Variants in SOX6 observed in about 807,000 individuals in gnomAD.
SOX6 encodes transcription factor SOX-6.
Under a neutral mutation model 97.8 loss-of-function variants are expected in SOX6, and 11 were observed. That is an observed-to-expected ratio of 0.11 (90% CI 0.07 to 0.19). SOX6 has a LOEUF of 0.19. Among genes scored for constraint, SOX6 ranks in the 10% least tolerant of loss-of-function variants. SOX6 has a pLI of 1.00. For synonymous variants in SOX6, 360 were observed against 371.4 expected, an observed-to-expected ratio of 0.97 and a Z score of 0.35; for missense variants, 810 against 1,039.5, an observed-to-expected ratio of 0.78 and a Z score of 3.04.
intron 3 of SOX6, among the ~76,000 whole-genome samples, chr11:16,692,090 C>CGT (rs1564870364): frequency 8.9e-6 from 1 of 112,878 alleles, no homozygotes; most frequent in Non-Finnish European, 2.0e-5. Flanking sequence ...TGTGTGTGTG[C>CGT]GCGCGCGCGC....
intron 2 of SOX6, among the ~76,000 whole-genome samples, chr11:16,337,054 T>C (rs975936460): frequency 2.0e-5 from 3 of 152,188 alleles, no homozygotes; most frequent in African/African-American, 7.2e-5. Flanking sequence ...TTGTCTGCCA[T>C]ACTACTAGAC....
intron 4 of SOX6, among the ~76,000 whole-genome samples, chr11:16,600,070 A>G (rs1848251329): frequency 6.6e-6 from 1 of 152,262 alleles, no homozygotes; most frequent in Non-Finnish European, 1.5e-5. Context: ...ATGTTTGTAC[A>G]AAATTATAAG....
At chr11:16,388,024 G>A (rs1858043867) in intron 1 of SOX6, among the ~76,000 whole-genome samples, 2 of 151,986 alleles carry the variant, frequency 1.3e-5, no homozygotes, top group Admixed American at 6.6e-5. Flanking sequence ...TTCCTATCTT[G>A]GGAAGAAAGC....
At chr11:16,055,694 ATCTT>A (rs548403451) in intron 10 of SOX6, 54 bp downstream of exon 10, 2 of 1,609,594 alleles carry the variant, frequency 1.2e-6, no homozygotes, top group African/African-American at 2.7e-5. Flanking sequence ...CTGCTTCACT[ATCTT>A]TCTTGTGAAA....
In SOX6 at chr11:16,197,672, C is replaced by G. The variant is rs531226183; in HGVS notation, c.536-10717G>C. On this transcript the variant is annotated intron_variant, in intron 4 of 15. Transcript: ENST00000683767. ...GTAAAATAGGTGCTGCCAAATATAT[C>G]TCATCAGTGTATTATGAAAATAAAA... is the stretch of plus-strand genomic sequence containing the variant. Among the ~76,000 whole-genome samples, 10 of 152,240 alleles carry G rather than the reference C, an allele frequency of 6.6e-5. No individual in the cohort carries two copies. The East Asian group carries it at 1.9e-3, about 29-fold the overall frequency.
chr11:16,380,305 T>C (rs1857774955), intron 1 of SOX6, among the ~76,000 whole-genome samples: 1 of 152,052 alleles, frequency 6.6e-6, no homozygotes, highest in Admixed American at 6.6e-5. Flanking sequence ...ATCCCATCTT[T>C]CCTTTAAAAA....
At chr11:16,105,952 G>A (rs1029076938) in intron 7 of SOX6, among the ~76,000 whole-genome samples, 4 of 151,984 alleles carry the variant, frequency 2.6e-5, no homozygotes, top group Non-Finnish European at 5.9e-5. Flanking sequence ...TTTCATTTAC[G>A]AAAGTATTAA....
In SOX6 at chr11:16,008,194, G is replaced by A. The variant is rs142320270; in HGVS notation, c.1732+6748C>T. Among the ~76,000 whole-genome samples, 631 of 152,078 alleles carry A rather than the reference G, an allele frequency of 4.1e-3. 7 individuals carry two copies. The highest frequency in any genetic ancestry group is 0.014 in the African/African-American group (575 of 41,498). ...TGCATTGTTTAGGAAATAATCACAT[G>A]GAAAAAGTCTGTACATGTTCAGTAC... On this transcript the variant is annotated intron_variant, in intron 13 of 15. Transcript: ENST00000683767.
At chr11:16,554,270 G>GA (rs1320840676) in intron 4 of SOX6, among the ~76,000 whole-genome samples, 2 of 152,060 alleles carry the variant, frequency 1.3e-5, no homozygotes, top group African/African-American at 4.8e-5. Flanking sequence ...ATGCTCAGTA[G>GA]AAAATCATAT....
At chr11:16,225,288 C>G (rs2134162957) in intron 4 of SOX6, among the ~76,000 whole-genome samples, 1 of 151,964 alleles carries the variant, frequency 6.6e-6, no homozygotes, top group Admixed American at 6.6e-5. Flanking sequence ...GATGATTAAT[C>G]TCTAAGCATT....
chr11:16,258,594 G>A lies in SOX6; in HGVS notation c.446-23923C>T, dbSNP rs147762939. Among the ~76,000 whole-genome samples, 302 of 152,022 alleles carry A rather than the reference G, an allele frequency of 2.0e-3. 2 individuals are homozygous for A. The highest frequency in any genetic ancestry group is 6.9e-3 in the African/African-American group (286 of 41,512). On this transcript the variant is annotated intron_variant, in intron 3 of 15. Coordinates refer to ENST00000683767, the MANE Select transcript of SOX6 (RefSeq NM_001367873.1). ...ATAGAATACAGAGTATTTTTTTACG[G>A]TAGTGAAACTATTCTGTATGATACT... is the stretch of plus-strand genomic sequence containing the variant.
intron 1 of SOX6, among the ~76,000 whole-genome samples, chr11:16,469,869 T>A (rs1211320055): frequency 6.6e-6 from 1 of 152,040 alleles, no homozygotes; most frequent in African/African-American, 2.4e-5. Context: ...ACTAAGAGAT[T>A]AAAAATAGGC....
chr11:16,639,210 A>G (rs574807937), intron 3 of SOX6, among the ~76,000 whole-genome samples: 22 of 152,324 alleles, frequency 1.4e-4, no homozygotes, highest in African/African-American at 4.6e-4. Context: ...GGTTTGTCAA[A>G]GATCAGATAG....
chr11:16,386,345 GGT>G (rs1311023997), intron 1 of SOX6, among the ~76,000 whole-genome samples: 9 of 151,426 alleles, frequency 5.9e-5, no homozygotes, highest in Non-Finnish European at 1.2e-4. Flanking sequence ...GCGGGGGGCA[GGT>G]GGGGGGTGAA....
chr11:16,048,635 A>T (rs1184887300), intron 11 of SOX6, among the ~76,000 whole-genome samples: 1 of 152,200 alleles, frequency 6.6e-6, no homozygotes, highest in African/African-American at 2.4e-5. Context: ...TGAAACATCA[A>T]ATCAGATAAA....
chr11:16,281,982 T>G (rs1270071207), intron 3 of SOX6, among the ~76,000 whole-genome samples: 1 of 14,078 alleles, frequency 7.1e-5, no homozygotes, highest in South Asian at 7.5e-3. Context: ...TATAAAATCA[T>G]GTATATATAT....
intron 1 of SOX6, among the ~76,000 whole-genome samples, chr11:16,420,832 G>A (rs1275093355): frequency 6.6e-6 from 1 of 152,072 alleles, no homozygotes; most frequent in Non-Finnish European, 1.5e-5. Context: ...TTACATCGGG[G>A]TTATTTATCA....
At chr11:16,170,806 T>C (rs1159393057) in intron 6 of SOX6, among the ~76,000 whole-genome samples, 1 of 151,988 alleles carries the variant, frequency 6.6e-6, no homozygotes, top group Non-Finnish European at 1.5e-5. Flanking sequence ...CCAAAGAAAA[T>C]ATGGTGCTCT....
intron 3 of SOX6, among the ~76,000 whole-genome samples, chr11:16,307,492 A>C (rs186442018): frequency 1.3e-5 from 2 of 152,196 alleles, no homozygotes; most frequent in African/African-American, 2.4e-5. Context: ...GTTCCAAAAC[A>C]TGTGGCTTAT....
Sources: gnomAD v4.1 joint callset for allele counts (sites outside exome capture counted in the v4.1 genomes callset) on GRCh38, gnomAD v4.1.1 for gene constraint, MANE v1.5 for transcripts, NCBI Gene and HGNC (gene_info 2026-07-23, HGNC 2026-07-21) for gene names.